HERC1: variants seen among roughly 807,000 people sequenced by gnomAD.
The protein encoded by HERC1 is HECT and RLD domain containing E3 ubiquitin protein ligase family member 1.
In HERC1, 160 loss-of-function variants were observed where a neutral mutation model predicts 554.3. The ratio of observed to expected loss-of-function variants is 0.29; its 90% CI spans 0.25 to 0.33. The LOEUF (loss-of-function observed/expected upper bound fraction) is 0.33. Among genes scored for constraint, HERC1 ranks in the 10% least tolerant of loss-of-function variants. HERC1 has a pLI of 1.00. For synonymous variants in HERC1, 2,175 were observed against 2,131.7 expected, an observed-to-expected ratio of 1.02 and a Z score of -0.56; for missense variants, 4,919 against 5,918.5, an observed-to-expected ratio of 0.83 and a Z score of 5.54.
chr15:63,785,419 TA>T (rs1185442679), intron 1 of HERC1, among the ~76,000 whole-genome samples: 2 of 151,994 alleles, frequency 1.3e-5, no homozygotes, highest in African/African-American at 2.4e-5. Context: ...CAAAGTCTCT[TA>T]AAAAAATTAA....
At chr15:63,654,992 T>C (rs2152905947) in intron 50 of HERC1, among the ~76,000 whole-genome samples, 1 of 152,162 alleles carries the variant, frequency 6.6e-6, no homozygotes, top group Admixed American at 6.5e-5. Context: ...AAGAAAACAG[T>C]TTGGCTTTTG....
At position 63,694,526 on chromosome 15, in the gene HERC1, C is replaced by T. The variant is rs2072292706; in HGVS notation, c.5266G>A (p.Val1756Ile). The change falls in exon 29 of 78, where the codon GTT becomes ATT. Residue 1756 changes from valine (V) to isoleucine (I), a missense_variant. Physicochemically the swap from Val to Ile is conservative, Grantham distance 29 (BLOSUM62 3). This residue lies in a region of HERC1 where 1,121 missense variants were observed against 1,244.0 expected (regional missense o/e 0.90). Transcript: ENST00000443617. The surrounding 1 kb of genome is among the most constrained non-coding windows in gnomAD (Gnocchi z 4.3). ...TGAACACTTAGGGCAAAAACTGTAA[C>T]CAGAAGCAGACGTTGCTGGGCTTCT... ...HIEAQQRLLL[V>I]TVFALSVHYQ... 6.2e-7 allele frequency: 1 copy of T among 1,613,924 alleles called. No homozygotes were observed. The highest frequency in any genetic ancestry group is 2.2e-5 in the East Asian group (1 of 44,890).
At position 63,756,789 on chromosome 15, in the gene HERC1, T is replaced by A. The variant is rs781562663; in HGVS notation, c.1222-41A>T. 7.8e-7 allele frequency: 1 copy of A among 1,282,762 alleles called. No homozygotes were observed. The highest frequency in any genetic ancestry group is 1.5e-5 in the South Asian group (1 of 67,802). 79.5% of individuals were successfully genotyped at this position (1,282,762 alleles called of 1,614,324 possible). ...CATAAATATAAAATACTTCTGTGAG[T>A]ATCAAAGTATAATATTTAAGGCTGG... On this transcript the variant is annotated intron_variant, in intron 4 of 77. Transcript: ENST00000443617. The surrounding 1 kb of genome is among the most constrained non-coding windows in gnomAD (Gnocchi z 5.0).
chr15:63,751,132 C>T (rs1257215942), intron 8 of HERC1, among the ~76,000 whole-genome samples: 1 of 152,170 alleles, frequency 6.6e-6, no homozygotes, highest in Non-Finnish European at 1.5e-5. Flanking sequence ...ATCATATACA[C>T]TCATGCACCA....
At chr15:63,623,581 C>T in intron 73 of HERC1, 144 bp downstream of exon 73, 2 of 763,492 alleles carry the variant, frequency 2.6e-6, no homozygotes, top group East Asian at 5.0e-5. Flanking sequence ...ACCTACGTAT[C>T]ACTAACAGCA....
At chr15:63,700,784 C>T (rs2072676860) in intron 25 of HERC1, among the ~76,000 whole-genome samples, 1 of 147,558 alleles carries the variant, frequency 6.8e-6, no homozygotes, top group Admixed American at 6.8e-5. Context: ...CTAAAAATTT[C>T]CCCAAATTGT....
At chr15:63,697,293 G>A (rs966944173) in intron 26 of HERC1, among the ~76,000 whole-genome samples, 1 of 151,964 alleles carries the variant, frequency 6.6e-6, no homozygotes, top group African/African-American at 2.4e-5. Flanking sequence ...CACTTCGGAA[G>A]AGCTGTTCAT....
chr15:63,618,548 T>C (rs1355057283), intron 74 of HERC1, among the ~76,000 whole-genome samples: 2 of 151,942 alleles, frequency 1.3e-5, no homozygotes, highest in Admixed American at 6.6e-5. Context: ...AGAAAGTCAT[T>C]GGTAGCTTGA....
At chr15:63,818,366 T>C (rs140084273) in intron 1 of HERC1, among the ~76,000 whole-genome samples, 227 of 152,216 alleles carry the variant, frequency 1.5e-3, no homozygotes, top group African/African-American at 5.2e-3. Context: ...ACAAAAACCC[T>C]TTCCTGCCTG....
chr15:63,825,715 T>C (rs1365103927), intron 1 of HERC1, among the ~76,000 whole-genome samples: 1 of 152,114 alleles, frequency 6.6e-6, no homozygotes, highest in Non-Finnish European at 1.5e-5. Flanking sequence ...CAGCATCTAT[T>C]TTCCTGGGAA....
Position 63,789,292 on chromosome 15 carries a change from G to A in HERC1, c.-26-13643C>T, listed in dbSNP as rs942091701. On this transcript the variant is annotated intron_variant, in intron 1 of 77. Coordinates refer to ENST00000443617, the MANE Select transcript of HERC1 (RefSeq NM_003922.4). ...TTTTTAGTAGAGACGGGGTTTCACCGTTTTAGCCGGGATGGTCTCGATCTC... is the reference window on the plus strand; with the variant it reads ...TTTTTAGTAGAGACGGGGTTTCACCATTTTAGCCGGGATGGTCTCGATCTC... Among the ~76,000 whole-genome samples, 26 of 149,412 alleles carry A rather than the reference G, an allele frequency of 1.7e-4. No individual in the cohort carries two copies. The South Asian group carries it at 4.7e-3, about 27-fold the overall frequency.
intron 10 of HERC1, among the ~76,000 whole-genome samples, chr15:63,748,258 C>G (rs2075127876): frequency 6.6e-6 from 1 of 151,940 alleles, no homozygotes. Context: ...TACATTAAAG[C>G]TGAATGAGTT....
intron 1 of HERC1, among the ~76,000 whole-genome samples, chr15:63,783,960 G>T (rs1442225483): frequency 3.3e-5 from 5 of 151,920 alleles, no homozygotes; most frequent in Non-Finnish European, 7.4e-5. Context: ...CAGCTACTCG[G>T]GAGGCTGAGC....
At chr15:63,627,365 C>A (rs960101625) in intron 70 of HERC1, among the ~76,000 whole-genome samples, 2 of 152,086 alleles carry the variant, frequency 1.3e-5, no homozygotes, top group African/African-American at 4.8e-5. Context: ...GGTAGAAAGA[C>A]AAGGCTTGAG....
chr15:63,765,498 G>A (rs980156806), intron 2 of HERC1, among the ~76,000 whole-genome samples: 2 of 152,014 alleles, frequency 1.3e-5, no homozygotes, highest in African/African-American at 4.8e-5. Flanking sequence ...CATCAATACT[G>A]ATCTTAAGTC....
chr15:63,651,506 T>C (rs1360867627), intron 52 of HERC1, 126 bp from the exon 53 acceptor site: 4 of 871,382 alleles, frequency 4.6e-6, no homozygotes, highest in Non-Finnish European at 7.0e-6. Context: ...TTTCAAAACC[T>C]TGGCTAGCAG....
At position 63,818,416 on chromosome 15, in the gene HERC1, C is replaced by T. The variant is rs997708850; in HGVS notation, c.-27+15411G>A. On this transcript the variant is annotated intron_variant, in intron 1 of 77. Transcript: ENST00000443617. Reference sequence around the variant, plus strand: ...AGGAGCCAAACCGACAGATGGCAGACGAAAAGGAAGAGGGAGGTGATAAGG... The same window carrying T: ...AGGAGCCAAACCGACAGATGGCAGATGAAAAGGAAGAGGGAGGTGATAAGG... 1.4e-4 allele frequency among the ~76,000 whole-genome samples: 21 copies of T among 151,832 alleles called. No homozygotes were observed. The East Asian group carries it at 3.7e-3, about 27-fold the overall frequency.
intron 63 of HERC1, 100 bp downstream of exon 63, chr15:63,638,311 G>A: frequency 1.7e-6 from 2 of 1,202,912 alleles, no homozygotes; most frequent in Non-Finnish European, 1.2e-6. Flanking sequence ...CCTCATAATA[G>A]ATTATGAAAT....
chr15:63,723,450 A>T lies in HERC1; in HGVS notation c.3569-95T>A, dbSNP rs188437905. 1.4e-3 allele frequency: 1,207 copies of T among 874,282 alleles called. 1 individual carries two copies. The highest frequency in any genetic ancestry group is 1.9e-3 in the Non-Finnish European group (1,112 of 588,460). The allele number at this position is 874,282 out of a possible 1,614,324, so 54.2% of individuals were successfully genotyped here. A position where few individuals can be genotyped will look rare whatever the true frequency, so the allele number is the denominator to read the frequency against. Reference sequence around the variant, plus strand: ...ATTTATTTAATGATTATGAAATGATAAACTTCAAACCATTTTAAGTAGATG... The same window carrying T: ...ATTTATTTAATGATTATGAAATGATTAACTTCAAACCATTTTAAGTAGATG... On this transcript the variant is annotated intron_variant, in intron 18 of 77. Coordinates refer to ENST00000443617, the MANE Select transcript of HERC1 (RefSeq NM_003922.4).
Sources: gnomAD v4.1 joint callset for allele counts (sites outside exome capture counted in the v4.1 genomes callset) on GRCh38, gnomAD v4.1.1 for gene constraint, gnomAD v4.1.1 regional missense constraint, Gnocchi (gnomAD v3.1) non-coding constraint, MANE v1.5 for transcripts, NCBI Gene and HGNC (gene_info 2026-07-23, HGNC 2026-07-21) for gene names.